The following NCKAP5L variants were observed in gnomAD, a reference collection of about 807,000 sequenced individuals.
NCKAP5L encodes NCK associated protein 5 like.
NCKAP5L carries 54 observed loss-of-function variants against 103.2 expected under a neutral mutation model. The ratio of observed to expected loss-of-function variants is 0.52; its 90% CI spans 0.42 to 0.66. NCKAP5L has a LOEUF of 0.66. Ranked by LOEUF, NCKAP5L falls within the 30% of genes least tolerant of loss-of-function variation. NCKAP5L has a pLI of 0.00. For missense variants in NCKAP5L, 1,733 were observed against 1,750.6 expected, an observed-to-expected ratio of 0.99 and a Z score of 0.18; for synonymous variants, 762 against 748.6, an observed-to-expected ratio of 1.02 and a Z score of -0.29.
intron 1 of NCKAP5L, among the ~76,000 whole-genome samples, chr12:49,822,863 T>C (rs1946376127): frequency 6.6e-6 from 1 of 152,064 alleles, no homozygotes; most frequent in Non-Finnish European, 1.5e-5. Flanking sequence ...TCAAACTATA[T>C]TTATAAAACC....
chr12:49,822,589 T>G (rs1045738583), intron 1 of NCKAP5L, among the ~76,000 whole-genome samples: 8 of 150,616 alleles, frequency 5.3e-5, no homozygotes, highest in African/African-American at 2.0e-4. Flanking sequence ...CACTGTTGCC[T>G]AGGCTGGAGT....
At chr12:49,826,730 A>G (rs1946420354) in intron 1 of NCKAP5L, among the ~76,000 whole-genome samples, 1 of 152,158 alleles carries the variant, frequency 6.6e-6, no homozygotes, top group Non-Finnish European at 1.5e-5. Flanking sequence ...CAAGCTAGGA[A>G]AAGTAGGGAC....
At chr12:49,809,079 G>A (rs1946211964) in intron 1 of NCKAP5L, among the ~76,000 whole-genome samples, 1 of 152,116 alleles carries the variant, frequency 6.6e-6, no homozygotes, top group Non-Finnish European at 1.5e-5. Flanking sequence ...CAGGGCCGAG[G>A]AAGGAGGAAA....
At position 49,794,693 on chromosome 12, in the gene NCKAP5L, C is replaced by A. The variant is rs540267190; in HGVS notation, c.3095+72G>T. ...CAGGAAAAGCAGGCCTAGCTCCAGA[C>A]GCAGGTGTGCCCACGAAGGGAAAAG... On this transcript the variant is annotated intron_variant, in intron 8 of 12. Transcript: ENST00000335999. The A allele has an allele frequency of 2.7e-5, 33 of 1,225,096 alleles. No individual in the cohort carries two copies. In the East Asian group the frequency reaches 7.7e-4, roughly 29 times the overall value. 75.9% of individuals were successfully genotyped at this position (1,225,096 alleles called of 1,614,324 possible).
chr12:49,798,779 G>A (rs1027133241), intron 6 of NCKAP5L, among the ~76,000 whole-genome samples: 11 of 152,296 alleles, frequency 7.2e-5, no homozygotes, highest in African/African-American at 2.6e-4. Flanking sequence ...TTACTTTTCT[G>A]TGGGGCTTCC....
chr12:49,793,116 C>T, intron 10 of NCKAP5L, 130 bp from the exon 11 acceptor site: 1 of 845,896 alleles, frequency 1.2e-6, no homozygotes, highest in Non-Finnish European at 1.8e-6. Context: ...GCTCATTCCA[C>T]AGCACCTGTC....
intron 1 of NCKAP5L, among the ~76,000 whole-genome samples, chr12:49,822,473 T>C (rs921844342): frequency 1.3e-5 from 2 of 152,030 alleles, no homozygotes; most frequent in African/African-American, 4.8e-5. Flanking sequence ...TTTGGTATTG[T>C]GTAAGGAAAC....
In NCKAP5L at chr12:49,797,309, A is replaced by G; in HGVS notation, c.551T>C (p.Leu184Pro). ...CTCCAGAATCTGGGCCTTCTTCCGAAGGAACGGGGATAGGGCATCCAGCGC... is the reference window on the plus strand; with the variant it reads ...CTCCAGAATCTGGGCCTTCTTCCGAGGGAACGGGGATAGGGCATCCAGCGC... Reference protein sequence around the residue: ...PPALDALSPFLRKKAQILEVL... With the variant: ...PPALDALSPFPRKKAQILEVL... The change falls in exon 8 of 13, where the codon CTT becomes CCT. Residue 184 changes from leucine (L) to proline (P), a missense_variant. Leu to Pro is a moderately conservative substitution (Grantham distance 98). Coordinates refer to ENST00000335999, the MANE Select transcript of NCKAP5L (RefSeq NM_001037806.4). This position sits in a 1 kb window ranked among gnomAD's most constrained non-coding sequence, Gnocchi z 4.5. The G allele has an allele frequency of 6.2e-7, 1 of 1,613,188 alleles. No individual in the cohort carries two copies. The highest frequency in any genetic ancestry group is 1.1e-5 in the South Asian group (1 of 91,052).
rs1361678253 is a variant in NCKAP5L at position 49,797,613 on chromosome 12, T to C, written c.466-219A>G. ...ACCCCAGTTCTTCTTCCTGGCACAC[T>C]TGGGGTTGGGCAGGCACCCTACATC... On this transcript the variant is annotated intron_variant, in intron 7 of 12. Transcript: ENST00000335999. The surrounding 1 kb of genome is among the most constrained non-coding windows in gnomAD (Gnocchi z 4.5). 2.0e-5 allele frequency among the ~76,000 whole-genome samples: 3 copies of C among 152,272 alleles called. No homozygotes were observed. The highest frequency in any genetic ancestry group is 3.9e-4 in the East Asian group (2 of 5,180).
rs1946066830 is a variant in NCKAP5L, at chr12:49,797,254, G to T, written c.606C>A (p.Pro202=). 6.2e-7 allele frequency: 1 copy of T among 1,613,598 alleles called. No homozygotes were observed. The highest frequency in any genetic ancestry group is 8.5e-7 in the Non-Finnish European group (1 of 1,179,820). Residue 202 remains proline, a synonymous_variant, in exon 8 of 13, where the codon CCC becomes CCA. Coordinates refer to ENST00000335999, the MANE Select transcript of NCKAP5L (RefSeq NM_001037806.4). This position sits in a 1 kb window ranked among gnomAD's most constrained non-coding sequence, Gnocchi z 4.5. The stretch of plus-strand genomic sequence containing the variant: ...GGGTGGCAGGTGAGCAGAGAAGCAA[G>T]GGGTCAGTCTCTTCCAGGGCTCTCA... The part of the protein sequence containing the change: ...EVLRALEETD[P]LLLCSPATPW...
chr12:49,798,798 C>T (rs748864919), intron 6 of NCKAP5L, among the ~76,000 whole-genome samples: 7 of 152,204 alleles, frequency 4.6e-5, no homozygotes, highest in Admixed American at 6.5e-5. Context: ...CCTCTCCTCT[C>T]ACAAAGAGGG....
intron 1 of NCKAP5L, among the ~76,000 whole-genome samples, chr12:49,807,093 C>T (rs1319559912): frequency 6.6e-6 from 1 of 152,188 alleles, no homozygotes. Flanking sequence ...GCTCTGCCCA[C>T]CCTGCCCTCA....
At position 49,796,462 on chromosome 12, in the gene NCKAP5L, C is replaced by A; in HGVS notation, c.1398G>T (p.Glu466Asp). The A allele has an allele frequency of 6.5e-7, 1 of 1,533,158 alleles. No individual in the cohort carries two copies. The highest frequency in any genetic ancestry group is 1.3e-5 in the South Asian group (1 of 78,430). 95.0% of individuals were successfully genotyped at this position (1,533,158 alleles called of 1,614,324 possible). Residue 466 changes from glutamate to aspartate, a missense_variant, in exon 8 of 13, where the codon GAG (glutamate) becomes GAT (aspartate). Physicochemically the swap from Glu to Asp is conservative, Grantham distance 45. Coordinates refer to ENST00000335999, the MANE Select transcript of NCKAP5L (RefSeq NM_001037806.4). Reference protein sequence around the residue: ...LKFLKLPPTSEKSPSPGGPQL... With the variant: ...LKFLKLPPTSDKSPSPGGPQL... ...GCGGGCCTCCTGGGCTGGGGCTCTT[C>A]TCCGAGGTTGGAGGCAGCTTTAGAA...
At chr12:49,818,457 A>T (rs1265740233) in intron 1 of NCKAP5L, among the ~76,000 whole-genome samples, 1 of 152,206 alleles carries the variant, frequency 6.6e-6, no homozygotes, top group East Asian at 1.9e-4. Context: ...TCCTGGGCTC[A>T]GCTGATCCTC....
rs761552119 is a variant in NCKAP5L, at chr12:49,793,729, C to T, written c.3258+5G>A. On this transcript the variant is annotated splice_donor_5th_base_variant and intron_variant, in intron 9 of 12. Transcript: ENST00000335999. Reference sequence around the variant, plus strand: ...GTCCACCCAGTCCCTACCCCAAGAACTTACCTTTCCAGGAGGTTTTCCGCA... The same window carrying T: ...GTCCACCCAGTCCCTACCCCAAGAATTTACCTTTCCAGGAGGTTTTCCGCA... 4 of 1,546,610 alleles carry T rather than the reference C, an allele frequency of 2.6e-6. No individual in the cohort carries two copies. In the African/African-American group the frequency reaches 5.5e-5, roughly 21 times the overall value.
At position 49,796,918 on chromosome 12, in the gene NCKAP5L, G is replaced by A. The variant is rs374112669; in HGVS notation, c.942C>T (p.Pro314=). 2.9e-5 allele frequency: 46 copies of A among 1,607,830 alleles called. No homozygotes were observed. In the East Asian group the frequency reaches 6.5e-4, roughly 23 times the overall value. The change falls in exon 8 of 13, where the codon CCC becomes CCT. Residue 314 remains proline, a synonymous_variant. Coordinates refer to ENST00000335999, the MANE Select transcript of NCKAP5L (RefSeq NM_001037806.4). ...GGGCCAGGGCACCGAGCAGGGTGTC[G>A]GGGCTGGGTGCCTCATTGGGGTCAC... ...EAGDPNEAPS[P]DTLLGALARR...
chr12:49,802,189 T>C (rs1464564026), intron 5 of NCKAP5L: 4 of 520,452 alleles, frequency 7.7e-6, no homozygotes, highest in Non-Finnish European at 1.4e-5. Context: ...TCACCCCTGG[T>C]GGGAGGTAAA....
In NCKAP5L at chr12:49,791,847, G is replaced by T. The variant is rs1485163408; in HGVS notation, c.3997C>A (p.Gln1333Lys). Reference protein sequence around the residue: ...LYDSLSSCGSQG With the variant: ...LYDSLSSCGSKG Reference sequence around the variant, plus strand: ...TGGCGTGGCGCAGCCCCTCAGCCCTGACTCCCACAAGAGGACAGCGAGTCG... The same window carrying T: ...TGGCGTGGCGCAGCCCCTCAGCCCTTACTCCCACAAGAGGACAGCGAGTCG... Residue 1333 changes from glutamine (Q) to lysine (K), a missense_variant, in exon 13 of 13, where the codon CAG becomes AAG. Transcript: ENST00000335999. 6.2e-7 allele frequency: 1 copy of T among 1,603,840 alleles called. No individual in the cohort carries two copies. The highest frequency in any genetic ancestry group is 1.1e-5 in the South Asian group (1 of 89,790).
In NCKAP5L at chr12:49,795,810, T is replaced by A; in HGVS notation, c.2050A>T (p.Asn684Tyr). The A allele has an allele frequency of 6.4e-7, 1 of 1,571,716 alleles. No homozygotes were observed. The highest frequency in any genetic ancestry group is 8.6e-7 in the Non-Finnish European group (1 of 1,158,942). ...GPEGALGSEK[N>Y]GVPARPGTEK... ...GTGCCAGGCCTGGCTGGCACCCCAT[T>A]CTTCTCTGAGCCCAGGGCCCCCTCG... The change falls in exon 8 of 13, where the codon AAT becomes TAT. Residue 684 changes from asparagine (N) to tyrosine (Y), a missense_variant. Asn to Tyr is a moderately radical substitution (Grantham distance 143, BLOSUM62 -2). Transcript: ENST00000335999.
Sources: allele counts gnomAD v4.1 joint callset (sites outside exome capture counted in the v4.1 genomes callset), GRCh38; gene constraint gnomAD v4.1.1; non-coding constraint Gnocchi (gnomAD v3.1); transcripts MANE v1.5; gene names NCBI Gene and HGNC (gene_info 2026-07-23, HGNC 2026-07-21).